The following SH2B2 variants were observed in gnomAD, a reference collection of about 807,000 sequenced individuals.
SH2B2 encodes the protein SH2B adaptor protein 2.
In SH2B2, 37 loss-of-function variants were observed where a neutral mutation model predicts 35.7. The ratio of observed to expected loss-of-function variants is 1.04; its 90% CI spans 0.80 to 1.36. The LOEUF is 1.36. Among genes scored for constraint, SH2B2 ranks in the 40% most tolerant of loss-of-function variants. The pLI, the probability that SH2B2 is intolerant of heterozygous loss-of-function variation, is 0.00. For synonymous variants in SH2B2, 383 were observed against 376.4 expected (o/e 1.02, Z -0.20); for missense variants, 852 against 817.7 (o/e 1.04, Z -0.51).
rs556239672 is a variant in SH2B2, at chr7:102,297,536, G to A, written c.-29-2986G>A. Reference sequence around the variant, plus strand: ...AACTACCATATTTGATCCACACTAGGAGGAGACCCCTCAAGTCCTGGAGTC... The same window carrying A: ...AACTACCATATTTGATCCACACTAGAAGGAGACCCCTCAAGTCCTGGAGTC... On this transcript the variant is annotated intron_variant, in intron 1 of 8. Transcript: ENST00000444095. This position sits in a 1 kb window ranked among gnomAD's most constrained non-coding sequence, Gnocchi z 4.3. Among the ~76,000 whole-genome samples the A allele has an allele frequency of 6.6e-6, 1 of 152,254 alleles. No homozygotes were observed. The highest frequency in any genetic ancestry group is 1.9e-4 in the East Asian group (1 of 5,180).
intron 6 of SH2B2, among the ~76,000 whole-genome samples, chr7:102,316,130 A>G (rs920839573): frequency 6.6e-6 from 1 of 151,888 alleles, no homozygotes; most frequent in African/African-American, 2.4e-5. Flanking sequence ...AACAAAAATT[A>G]GCCAGGCATT....
intron 1 of SH2B2, among the ~76,000 whole-genome samples, chr7:102,289,775 T>G: frequency 7.1e-6 from 1 of 141,060 alleles, no homozygotes; most frequent in African/African-American, 2.7e-5. Context: ...GTGAGAGTTA[T>G]GACACTGGGG....
Position 102,297,838 on chromosome 7 carries a change from G to T in SH2B2, c.-29-2684G>T, listed in dbSNP as rs1217251707. Among the ~76,000 whole-genome samples the T allele has an allele frequency of 2.6e-5, 4 of 152,150 alleles. No homozygotes were observed. The highest frequency in any genetic ancestry group is 2.0e-4 in the Admixed American group (3 of 15,276). Reference sequence around the variant, plus strand: ...CACACAACCAAGCAACTAAATATATGATATGACAGCCGGCAATAAGGATAA... The same window carrying T: ...CACACAACCAAGCAACTAAATATATTATATGACAGCCGGCAATAAGGATAA... On this transcript the variant is annotated intron_variant, in intron 1 of 8. Transcript: ENST00000444095. The surrounding 1 kb of genome is among the most constrained non-coding windows in gnomAD (Gnocchi z 4.3).
chr7:102,288,826 C>T (rs1428297142), intron 1 of SH2B2, among the ~76,000 whole-genome samples: 1 of 152,232 alleles, frequency 6.6e-6, no homozygotes, highest in African/African-American at 2.4e-5. Context: ...CAAAGTCCCG[C>T]AGTCAACGAG....
intron 1 of SH2B2, among the ~76,000 whole-genome samples, chr7:102,298,870 G>A (rs915418662): frequency 3.3e-5 from 5 of 150,340 alleles, no homozygotes; most frequent in Admixed American, 2.7e-4. Flanking sequence ...CAATGTGCCC[G>A]GCCAAGACAA....
chr7:102,294,315 A>G (rs1339940587), intron 1 of SH2B2, among the ~76,000 whole-genome samples: 1 of 152,202 alleles, frequency 6.6e-6, no homozygotes, highest in Admixed American at 6.5e-5. Context: ...GGCTTGAGCC[A>G]CCACATCCAG....
chr7:102,315,478 G>A (rs1025386824), intron 6 of SH2B2, among the ~76,000 whole-genome samples: 2 of 151,910 alleles, frequency 1.3e-5, no homozygotes, highest in African/African-American at 2.4e-5. Flanking sequence ...ACTGGTGCCC[G>A]CCACCTCGCC....
chr7:102,317,326 C>T lies in SH2B2; in HGVS notation c.1326C>T (p.Phe442=), dbSNP rs1554557248. The change falls in exon 7 of 9, where the codon TTC becomes TTT. Residue 442 remains phenylalanine, a synonymous_variant. Coordinates refer to ENST00000444095, the MANE Select transcript of SH2B2 (RefSeq NM_001359228.2). ...LAGGPRNHGL[F]VIRQSETRPG... ...GGGGGCCCCGGAACCACGGCCTCTTCGTGATCCGCCAAAGTGAGACTCGGC... is the reference window on the plus strand; with the variant it reads ...GGGGGCCCCGGAACCACGGCCTCTTTGTGATCCGCCAAAGTGAGACTCGGC... The T allele has an allele frequency of 5.0e-6, 8 of 1,612,748 alleles. No homozygotes were observed. In the East Asian group the frequency reaches 6.7e-5, roughly 13 times the overall value.
In SH2B2 at chr7:102,321,505, G is replaced by C; in HGVS notation, c.1774G>C (p.Ala592Pro). The C allele has an allele frequency of 8.7e-7, 1 of 1,150,996 alleles. No individual in the cohort carries two copies. Among genetic ancestry groups the C allele is most frequent in the Non-Finnish European group, 1.1e-6 (1 of 935,838 alleles). The allele number at this position is 1,150,996 out of a possible 1,614,324, so 71.3% of individuals were successfully genotyped here. ...PPRPVEGQLS[A>P]RSRSNSAERL... ...GCGCCCCGTCGAGGGCCAGCTCAGC[G>C]CGCGGAGCCGCAGCAACAGCGCCGA... Residue 592 changes from alanine to proline, a missense_variant, in exon 9 of 9, where the codon GCG (alanine) becomes CCG (proline). Coordinates refer to ENST00000444095, the MANE Select transcript of SH2B2 (RefSeq NM_001359228.2).
At chr7:102,286,213 C>T (rs1382662149), upstream of SH2B2, among the ~76,000 whole-genome samples, 14 of 152,246 alleles carry the variant, frequency 9.2e-5, no homozygotes, top group Non-Finnish European at 1.5e-5. Context: ...GGGGGCACTG[C>T]GCTCAGGGGG....
chr7:102,287,173 G>T (rs541516639), intron 1 of SH2B2, 79 bp downstream of exon 1: 70 of 152,320 alleles, frequency 4.6e-4, no homozygotes, highest in African/African-American at 1.6e-3. Flanking sequence ...GACGTGCGCT[G>T]TGTGCGCACC....
At chr7:102,320,005 C>A (rs1034588082) in intron 7 of SH2B2, among the ~76,000 whole-genome samples, 1 of 152,174 alleles carries the variant, frequency 6.6e-6, no homozygotes, top group African/African-American at 2.4e-5. Context: ...CCTCCCTGGG[C>A]CTTGGTTTTC....
chr7:102,320,279 C>T, intron 7 of SH2B2, 52 bp from the exon 8 acceptor site: 1 of 1,470,692 alleles, frequency 6.8e-7, no homozygotes. Flanking sequence ...AGGCGCTTAC[C>T]CAGGTGCCCA....
intron 2 of SH2B2, among the ~76,000 whole-genome samples, chr7:102,304,675 C>T (rs532231232): frequency 1.3e-5 from 2 of 152,348 alleles, no homozygotes; most frequent in African/African-American, 4.8e-5. Context: ...ACCTCAGATT[C>T]CAAACTGGGG....
intron 7 of SH2B2, among the ~76,000 whole-genome samples, chr7:102,317,730 C>A (rs544369278): frequency 1.3e-4 from 20 of 152,296 alleles, no homozygotes; most frequent in African/African-American, 4.6e-4. Flanking sequence ...GATCTCATAG[C>A]ACTGGAGCTT....
At chr7:102,311,088 A>T (rs1324386908) in intron 4 of SH2B2, among the ~76,000 whole-genome samples, 6 of 151,978 alleles carry the variant, frequency 3.9e-5, no homozygotes, top group African/African-American at 1.4e-4. Context: ...ATTTATTTTT[A>T]TTTTATTATT....
At chr7:102,286,814 C>T (rs1262930415), upstream of SH2B2, 2 of 1,108 alleles carry the variant, frequency 1.8e-3, no homozygotes, top group African/African-American at 7.3e-3. Context: ...GGGCTCGCGG[C>T]GGGGGCGGGG....
intron 1 of SH2B2, 121 bp from the exon 2 acceptor site, chr7:102,300,401 C>T (rs1301308675): frequency 5.9e-6 from 7 of 1,193,792 alleles, no homozygotes; most frequent in Non-Finnish European, 7.9e-6. Context: ...ACAACACACA[C>T]GTGTGCATGT....
rs555820481 is a variant in SH2B2 at position 102,310,402 on chromosome 7, G to T, written c.923+1496G>T. Among the ~76,000 whole-genome samples the T allele has an allele frequency of 2.6e-5, 4 of 152,344 alleles. No homozygotes were observed. In the East Asian group the frequency reaches 7.7e-4, roughly 29 times the overall value. ...AACATCAAGGCCTTTGGGGTAGCCA[G>T]TGAGGAGGAGATTTTGATGAGAGCT... On this transcript the variant is annotated intron_variant, in intron 4 of 8. Coordinates refer to ENST00000444095, the MANE Select transcript of SH2B2 (RefSeq NM_001359228.2).
Sources: allele counts gnomAD v4.1 joint callset (sites outside exome capture counted in the v4.1 genomes callset), GRCh38; gene constraint gnomAD v4.1.1; non-coding constraint Gnocchi (gnomAD v3.1); transcripts MANE v1.5; gene names NCBI Gene and HGNC (gene_info 2026-07-23, HGNC 2026-07-21).